SPPL3: variants seen among roughly 807,000 people sequenced by gnomAD.
SPPL3 encodes signal peptide peptidase-like 3.
Under a neutral mutation model 42.4 loss-of-function variants are expected in SPPL3, and 5 were observed. That is an observed-to-expected ratio of 0.12 (90% CI 0.06 to 0.25). The LOEUF is 0.25. Among genes scored for constraint, SPPL3 ranks in the 10% least tolerant of loss-of-function variants. The pLI, the probability that SPPL3 is intolerant of heterozygous loss-of-function variation, is 1.00. For missense variants in SPPL3, 235 were observed against 489.0 expected (o/e 0.48, Z 4.90); for synonymous variants, 195 against 181.8 (o/e 1.07, Z -0.58).
intron 1 of SPPL3, among the ~76,000 whole-genome samples, chr12:120,893,724 C>A (rs891863407): frequency 6.6e-6 from 1 of 152,158 alleles, no homozygotes; most frequent in Non-Finnish European, 1.5e-5. Flanking sequence ...TATGCCTTTT[C>A]ATCGCCACTG....
At chr12:120,861,851 G>A (rs1593000780) in intron 1 of SPPL3, among the ~76,000 whole-genome samples, 1 of 152,190 alleles carries the variant, frequency 6.6e-6, no homozygotes, top group Non-Finnish European at 1.5e-5. Context: ...GGGCTGTGAG[G>A]GAGTTAGGGG....
intron 1 of SPPL3, among the ~76,000 whole-genome samples, chr12:120,871,751 C>T: frequency 6.6e-6 from 1 of 151,846 alleles, no homozygotes; most frequent in Non-Finnish European, 1.5e-5. Context: ...GAAACTCCGT[C>T]TCAGGGAGGG....
At chr12:120,788,195 A>T (rs1869789067) in intron 3 of SPPL3, among the ~76,000 whole-genome samples, 1 of 152,110 alleles carries the variant, frequency 6.6e-6, no homozygotes, top group Non-Finnish European at 1.5e-5. Flanking sequence ...AAGGTTTTTA[A>T]TTTTAGCTAT....
At chr12:120,836,386 A>C (rs10849799) in intron 1 of SPPL3, among the ~76,000 whole-genome samples, 9,643 of 152,230 alleles carry the variant, frequency 0.063, 556 homozygotes, top group East Asian at 0.3. Flanking sequence ...CAGAGAAAGA[A>C]GCCTAGCAGA....
rs556532196 is a variant in SPPL3, at chr12:120,811,087, A to G, written c.24-201T>C. ...ATGAAGAATAAATTGGTAGGTTTAC[A>G]GCTATTATTAGTAAATATTTACGGC... is the stretch of plus-strand genomic sequence containing the variant. On this transcript the variant is annotated intron_variant, in intron 1 of 10. Transcript: ENST00000353487. 2.0e-4 allele frequency: 83 copies of G among 421,410 alleles called. 3 individuals carry two copies. The South Asian group carries it at 3.7e-3, about 19-fold the overall frequency. 26.1% of individuals were successfully genotyped at this position (421,410 alleles called of 1,614,324 possible). A position where few individuals can be genotyped will look rare whatever the true frequency, so the allele number is the denominator to read the frequency against.
chr12:120,843,361 A>G (rs1050062034), intron 1 of SPPL3, among the ~76,000 whole-genome samples: 1 of 152,142 alleles, frequency 6.6e-6, no homozygotes, highest in Non-Finnish European at 1.5e-5. Flanking sequence ...TGACCCATTC[A>G]TATCTACTCT....
At chr12:120,897,947 C>T (rs1873859298) in intron 1 of SPPL3, among the ~76,000 whole-genome samples, 1 of 152,094 alleles carries the variant, frequency 6.6e-6, no homozygotes, top group South Asian at 2.1e-4. Flanking sequence ...AAATACCTGA[C>T]ATGTAATGAC....
intron 1 of SPPL3, among the ~76,000 whole-genome samples, chr12:120,841,643 T>C (rs1871836390): frequency 6.6e-6 from 1 of 152,216 alleles, no homozygotes; most frequent in East Asian, 1.9e-4. Flanking sequence ...TCAGAAGTTC[T>C]GGAATATGAA....
intron 2 of SPPL3, among the ~76,000 whole-genome samples, chr12:120,798,167 G>A (rs1173506285): frequency 1.3e-5 from 2 of 152,152 alleles, no homozygotes; most frequent in African/African-American, 4.8e-5. Context: ...CTGAAACATG[G>A]TTAAGACTCC....
chr12:120,820,277 A>C (rs571063225), intron 1 of SPPL3, among the ~76,000 whole-genome samples: 1 of 151,900 alleles, frequency 6.6e-6, no homozygotes, highest in African/African-American at 2.4e-5. Flanking sequence ...AATATGTTGA[A>C]ATAGGACTTA....
At position 120,764,904 on chromosome 12, in the gene SPPL3, C is replaced by T. The variant is rs981914580; in HGVS notation, c.*95G>A. On this transcript the variant is annotated 3_prime_UTR_variant, in exon 11 of 11. Transcript: ENST00000353487. ...CACGGCAGTTCCTTAAACACAGGTA[C>T]ATTTCTGAGTACCAGGCCAGCTCTA... 7.4e-7 allele frequency: 1 copy of T among 1,360,074 alleles called. No individual in the cohort carries two copies. Among genetic ancestry groups the T allele is most frequent in the Non-Finnish European group, 1.0e-6 (1 of 986,658 alleles). 84.3% of individuals were successfully genotyped at this position (1,360,074 alleles called of 1,614,324 possible). A position where few individuals can be genotyped will look rare whatever the true frequency, so the allele number is the denominator to read the frequency against.
chr12:120,818,336 T>C (rs1278534628), intron 1 of SPPL3, among the ~76,000 whole-genome samples: 1 of 121,832 alleles, frequency 8.2e-6, no homozygotes, highest in East Asian at 2.4e-4. Flanking sequence ...AAATATTTTA[T>C]ATATTCATTA....
At chr12:120,848,132 C>A (rs1340874457) in intron 1 of SPPL3, among the ~76,000 whole-genome samples, 1 of 152,224 alleles carries the variant, frequency 6.6e-6, no homozygotes, top group African/African-American at 2.4e-5. Flanking sequence ...CTGATGAACT[C>A]AGCAGCCGAA....
At chr12:120,784,713 G>A (rs1869659880) in intron 3 of SPPL3, 120 bp from the exon 4 acceptor site, 1 of 679,210 alleles carries the variant, frequency 1.5e-6, no homozygotes, top group Non-Finnish European at 2.4e-6. Context: ...GTAGGACATG[G>A]ATTATCCAGG....
chr12:120,903,603 G>A (rs1874053034), intron 1 of SPPL3: 2 of 468,306 alleles, frequency 4.3e-6, no homozygotes, highest in Non-Finnish European at 7.7e-6. Context: ...CCCATAGCCA[G>A]ATGACATCCG....
chr12:120,842,419 A>G (rs1428470788), intron 1 of SPPL3, among the ~76,000 whole-genome samples: 1 of 152,218 alleles, frequency 6.6e-6, no homozygotes, highest in African/African-American at 2.4e-5. Context: ...ATAGGTTATA[A>G]AATGTTCCCC....
chr12:120,767,176 C>G (rs1342412996), intron 9 of SPPL3, among the ~76,000 whole-genome samples: 1 of 152,218 alleles, frequency 6.6e-6, no homozygotes, highest in Non-Finnish European at 1.5e-5. Context: ...GACTGACCTG[C>G]TTTTCCTACA....
chr12:120,785,874 G>C (rs1869704510), intron 3 of SPPL3, among the ~76,000 whole-genome samples: 2 of 146,918 alleles, frequency 1.4e-5, no homozygotes, highest in Non-Finnish European at 3.0e-5. Flanking sequence ...CTACTTGGGA[G>C]GCTGAAGTGG....
At position 120,862,841 on chromosome 12, in the gene SPPL3, C is replaced by G. The variant is rs75302847; in HGVS notation, c.23+41004G>C. 8.7e-3 allele frequency among the ~76,000 whole-genome samples: 1,331 copies of G among 152,228 alleles called. 19 individuals carry two copies. Among genetic ancestry groups the G allele is most frequent in the Middle Eastern group, 0.048 (14 of 294 alleles). On this transcript the variant is annotated intron_variant, in intron 1 of 10. Coordinates refer to ENST00000353487, the MANE Select transcript of SPPL3 (RefSeq NM_139015.5). ...TGAGGGAAGGGGTTATATTTCCAAC[C>G]CTCTATTGGTTCTTCTAGCAACCAG... is the stretch of plus-strand genomic sequence containing the variant.
Sources: allele counts gnomAD v4.1 joint callset (sites outside exome capture counted in the v4.1 genomes callset), GRCh38; gene constraint gnomAD v4.1.1; transcripts MANE v1.5; gene names NCBI Gene and HGNC (gene_info 2026-07-23, HGNC 2026-07-21).